The following SEC14L1 variants were observed in gnomAD, a reference collection of about 807,000 sequenced individuals.
The protein encoded by SEC14L1 is SEC14 like lipid binding 1.
A neutral mutation model predicts 85.3 loss-of-function variants in SEC14L1; 48 were observed. The ratio of observed to expected loss-of-function variants is 0.56; its 90% confidence interval spans 0.45 to 0.72. The LOEUF (loss-of-function observed/expected upper bound fraction) is 0.72. Among genes scored for constraint, SEC14L1 ranks in the 30% least tolerant of loss-of-function variants. SEC14L1 has a pLI of 0.00. For synonymous variants in SEC14L1, 391 were observed against 355.5 expected (o/e 1.10, Z -1.12); for missense variants, 682 against 921.4 (o/e 0.74, Z 3.36).
chr17:77,102,088 C>T (rs1471485955), intron 3 of SEC14L1, among the ~76,000 whole-genome samples: 3 of 152,176 alleles, frequency 2.0e-5, no homozygotes, highest in Non-Finnish European at 4.4e-5. Flanking sequence ...CCCAGAAAGC[C>T]TCGCCACAAA....
chr17:77,178,805 G>A lies in SEC14L1; in HGVS notation c.64-11998G>A, dbSNP rs543037452. Among the ~76,000 whole-genome samples the A allele has an allele frequency of 3.3e-5, 5 of 152,316 alleles. No homozygotes were observed. In the East Asian group the frequency reaches 9.6e-4, roughly 29 times the overall value. ...GCAGTAATGCTGGCACGCCGGCAGC[G>A]TGGCCACGTTCTCAGCAGCGCACGG... On this transcript the variant is annotated intron_variant, in intron 3 of 16. Coordinates refer to ENST00000436233, the MANE Select transcript of SEC14L1 (RefSeq NM_001143998.2).
rs780899131 is a variant in SEC14L1, at chr17:77,215,704, C to T, written c.*1681C>T. On this transcript the variant is annotated 3_prime_UTR_variant, in exon 17 of 17. Transcript: ENST00000436233. The stretch of plus-strand genomic sequence containing the variant: ...CAGTGGTACCTGAAGCCTTTGCTTC[C>T]GGAAAGCGCGGTAGGGTTCGTAGGT... 27 of 994,232 alleles carry T rather than the reference C, an allele frequency of 2.7e-5. No individual in the cohort carries two copies. The highest frequency in any genetic ancestry group is 1.0e-4 in the African/African-American group (6 of 57,158). The allele number at this position is 994,232 out of a possible 1,614,324, so 61.6% of individuals were successfully genotyped here.
chr17:77,192,176 T>G (rs773900633), intron 5 of SEC14L1, among the ~76,000 whole-genome samples: 1 of 152,220 alleles, frequency 6.6e-6, no homozygotes, highest in Non-Finnish European at 1.5e-5. Context: ...CTAAGATGTG[T>G]GCCTTTAAGA....
At position 77,215,119 on chromosome 17, in the gene SEC14L1, G is replaced by A; in HGVS notation, c.*1096G>A. The A allele has an allele frequency of 1.0e-6, 1 of 985,508 alleles. No individual in the cohort carries two copies. The allele number at this position is 985,508 out of a possible 1,614,324, so 61.0% of individuals were successfully genotyped here. A position where few individuals can be genotyped will look rare whatever the true frequency, so the allele number is the denominator to read the frequency against. ...ATGTGTGCATGACGGTGGGGGTGCTGGGGGGACGGGGTGAGTGGAAACTTA... is the reference window on the plus strand; with the variant it reads ...ATGTGTGCATGACGGTGGGGGTGCTAGGGGGACGGGGTGAGTGGAAACTTA... On this transcript the variant is annotated 3_prime_UTR_variant, in exon 17 of 17. Transcript: ENST00000436233.
intron 3 of SEC14L1, among the ~76,000 whole-genome samples, chr17:77,163,195 C>T (rs1025470479): frequency 4.6e-5 from 7 of 152,028 alleles, no homozygotes; most frequent in African/African-American, 1.2e-4. Context: ...CTGTGAAAAT[C>T]GATGATACGA....
At chr17:77,169,399 G>C (rs1213688238) in intron 3 of SEC14L1, among the ~76,000 whole-genome samples, 1 of 152,176 alleles carries the variant, frequency 6.6e-6, no homozygotes, top group Non-Finnish European at 1.5e-5. Context: ...CAGGCTGTGA[G>C]ATTTTGAAAG....
chr17:77,110,630 C>T (rs1972023477), intron 3 of SEC14L1, among the ~76,000 whole-genome samples: 1 of 151,788 alleles, frequency 6.6e-6, no homozygotes, highest in Non-Finnish European at 1.5e-5. Context: ...CCTATAATCC[C>T]AGCACTTTGG....
chr17:77,208,887 G>T (rs1314214501), intron 13 of SEC14L1, among the ~76,000 whole-genome samples: 1 of 152,122 alleles, frequency 6.6e-6, no homozygotes, highest in Non-Finnish European at 1.5e-5. Context: ...TGGTGTTATA[G>T]ACCAGTCATT....
chr17:77,094,963 T>G (rs1971605478), intron 3 of SEC14L1: 2 of 152,256 alleles, frequency 1.3e-5, no homozygotes, highest in Non-Finnish European at 2.9e-5. Context: ...TTGACATTTC[T>G]GGAATAAACC....
intron 6 of SEC14L1, among the ~76,000 whole-genome samples, chr17:77,194,006 A>G (rs878926582): frequency 1.3e-5 from 2 of 152,124 alleles, no homozygotes; most frequent in Admixed American, 1.3e-4. Flanking sequence ...TCCGTGTGGG[A>G]TTATGGAGTG....
rs1021600134 is a variant in SEC14L1, at chr17:77,205,404, C to G, written c.1169+58C>G. On this transcript the variant is annotated intron_variant, in intron 11 of 16. Transcript: ENST00000436233. ...TACTGAGAAAACGAATTAAATATTT[C>G]TAGTTGATTTTTGGAATTAAAATCT... 3 of 1,449,280 alleles carry G rather than the reference C, an allele frequency of 2.1e-6. No individual in the cohort carries two copies. The African/African-American group carries it at 4.2e-5, about 20-fold the overall frequency. 89.8% of individuals were successfully genotyped at this position (1,449,280 alleles called of 1,614,324 possible).
intron 3 of SEC14L1, among the ~76,000 whole-genome samples, chr17:77,125,292 C>G (rs115404667): frequency 1.3e-5 from 2 of 151,734 alleles, no homozygotes; most frequent in East Asian, 3.9e-4. Context: ...CCACCTTGCC[C>G]GGACAGAATA....
intron 3 of SEC14L1, chr17:77,144,812 A>G (rs764372705): frequency 3.3e-5 from 5 of 152,110 alleles, no homozygotes; most frequent in Admixed American, 2.0e-4. Flanking sequence ...GGGTTTCTCT[A>G]TGTTGGCCAG....
chr17:77,208,837 T>A (rs1165108012), intron 13 of SEC14L1, among the ~76,000 whole-genome samples: 1 of 152,238 alleles, frequency 6.6e-6, no homozygotes, highest in African/African-American at 2.4e-5. Context: ...TTCAACTTGT[T>A]TCAGGCAAAT....
chr17:77,193,553 A>C lies in SEC14L1; in HGVS notation c.474+4A>C, dbSNP rs765763589. On this transcript the variant is annotated splice_donor_region_variant and intron_variant, in intron 6 of 16. Coordinates refer to ENST00000436233, the MANE Select transcript of SEC14L1 (RefSeq NM_001143998.2). ...ATATACCAGCAACATTAAAAAAGTG[A>C]GTGTATCTTGGGATTTTGTGGCAGA... 2 of 1,605,262 alleles carry C rather than the reference A, an allele frequency of 1.2e-6. No homozygotes were observed. Among genetic ancestry groups the C allele is most frequent in the Non-Finnish European group, 1.7e-6 (2 of 1,173,520 alleles).
intron 3 of SEC14L1, among the ~76,000 whole-genome samples, chr17:77,147,120 A>G (rs1598297849): frequency 6.6e-6 from 1 of 152,250 alleles, no homozygotes; most frequent in African/African-American, 2.4e-5. Context: ...CCCGGCACGC[A>G]GTCACGGGAG....
chr17:77,095,713 A>T (rs1971625327), intron 3 of SEC14L1, among the ~76,000 whole-genome samples: 2 of 152,046 alleles, frequency 1.3e-5, no homozygotes, highest in Admixed American at 1.3e-4. Flanking sequence ...GCTGCTCGGG[A>T]GGCTGAGGCA....
In SEC14L1 at chr17:77,196,320, C is replaced by T. The variant is rs778040405; in HGVS notation, c.819+9C>T. On this transcript the variant is annotated intron_variant, in intron 8 of 16. Coordinates refer to ENST00000436233, the MANE Select transcript of SEC14L1 (RefSeq NM_001143998.2). ...AGACCCACAAGGGCAAAGTGAGTGTCAGCACCACACCCAGTGTGCAGGGCC... is the reference window on the plus strand; with the variant it reads ...AGACCCACAAGGGCAAAGTGAGTGTTAGCACCACACCCAGTGTGCAGGGCC... 2.6e-6 allele frequency: 4 copies of T among 1,531,728 alleles called. No individual in the cohort carries two copies. Among genetic ancestry groups the T allele is most frequent in the Non-Finnish European group, 3.6e-6 (4 of 1,105,924 alleles). 94.9% of individuals were successfully genotyped at this position (1,531,728 alleles called of 1,614,324 possible). A position where few individuals can be genotyped will look rare whatever the true frequency, so the allele number is the denominator to read the frequency against.
chr17:77,205,957 C>T (rs1408780712), intron 11 of SEC14L1, among the ~76,000 whole-genome samples: 3 of 152,070 alleles, frequency 2.0e-5, no homozygotes, highest in African/African-American at 4.8e-5. Flanking sequence ...CTTTGCTTGC[C>T]GGCTCACTGA....
Sources: gnomAD v4.1 joint callset for allele counts (sites outside exome capture counted in the v4.1 genomes callset) on GRCh38, gnomAD v4.1.1 for gene constraint, MANE v1.5 for transcripts, NCBI Gene and HGNC (gene_info 2026-07-23, HGNC 2026-07-21) for gene names.